The following TAFA1 variants were observed in gnomAD, a reference collection of about 807,000 sequenced individuals.
The protein encoded by TAFA1 is chemokine-like protein TAFA-1.
In TAFA1, 4 loss-of-function variants were observed where a neutral mutation model predicts 18.5. That is an observed-to-expected ratio of 0.22 (90% confidence interval 0.11 to 0.49). The LOEUF (loss-of-function observed/expected upper bound fraction) is 0.49. Among genes scored for constraint, TAFA1 ranks in the 20% least tolerant of loss-of-function variants. TAFA1 has a pLI of 0.98. For synonymous variants in TAFA1, 56 were observed against 55.2 expected, an observed-to-expected ratio of 1.01 and a Z score of -0.06; for missense variants, 147 against 169.0, an observed-to-expected ratio of 0.87 and a Z score of 0.72.
At chr3:68,208,678 C>T (rs1256388094) in intron 2 of TAFA1, among the ~76,000 whole-genome samples, 1 of 151,902 alleles carries the variant, frequency 6.6e-6, no homozygotes, top group East Asian at 1.9e-4. Context: ...TTCAGGGCCC[C>T]AGGGATTTCA....
At chr3:68,071,790 A>C (rs995460273) in intron 2 of TAFA1, among the ~76,000 whole-genome samples, 10 of 152,100 alleles carry the variant, frequency 6.6e-5, no homozygotes, top group Non-Finnish European at 1.5e-4. Flanking sequence ...AGGCCTCAGG[A>C]AGGTTTTATT....
At chr3:68,400,123 C>G (rs1315839182) in intron 2 of TAFA1, among the ~76,000 whole-genome samples, 1 of 152,122 alleles carries the variant, frequency 6.6e-6, no homozygotes, top group East Asian at 1.9e-4. Flanking sequence ...GCTGTTTGGC[C>G]AGGTCACAAT....
intron 2 of TAFA1, among the ~76,000 whole-genome samples, chr3:68,260,207 T>C (rs1003222974): frequency 4.6e-5 from 7 of 152,150 alleles, no homozygotes; most frequent in African/African-American, 1.7e-4. Flanking sequence ...ATGTGGTTTT[T>C]GTCTTTGGTT....
intron 2 of TAFA1, among the ~76,000 whole-genome samples, chr3:68,309,123 T>G (rs1374524695): frequency 2.0e-5 from 3 of 152,168 alleles, no homozygotes; most frequent in Non-Finnish European, 4.4e-5. Flanking sequence ...AAGGTTTACC[T>G]TACCCCTGGT....
rs544984459 is a variant in TAFA1, at chr3:68,196,178, C to T, written c.118+189434C>T. On this transcript the variant is annotated intron_variant, in intron 2 of 4. Transcript: ENST00000478136. ...CATCTGTGTATAAGCAGCTCCCATC[C>T]GGCCTTGACTTTCTTCTGTTCACGT... Among the ~76,000 whole-genome samples, 194 of 151,818 alleles carry T rather than the reference C, an allele frequency of 1.3e-3. 2 individuals carry two copies. Among genetic ancestry groups the T allele is most frequent in the African/African-American group, 4.1e-3 (172 of 41,470 alleles).
At chr3:68,256,469 AT>A (rs375345392) in intron 2 of TAFA1, among the ~76,000 whole-genome samples, 84 of 152,218 alleles carry the variant, frequency 5.5e-4, no homozygotes, top group African/African-American at 1.9e-3. Flanking sequence ...AATAGTACCT[AT>A]CTCCACATAT....
At chr3:68,005,859 T>G (rs1045731429) in intron 1 of TAFA1, among the ~76,000 whole-genome samples, 4 of 152,240 alleles carry the variant, frequency 2.6e-5, no homozygotes, top group African/African-American at 9.6e-5. Flanking sequence ...TAGGTGCAGA[T>G]AAGACTGTCA....
chr3:68,320,850 T>C (rs1286478657), intron 2 of TAFA1, among the ~76,000 whole-genome samples: 2 of 152,196 alleles, frequency 1.3e-5, no homozygotes, highest in Admixed American at 1.3e-4. Context: ...GCAGTGCTCC[T>C]GCTTACCTCC....
At chr3:68,181,890 C>A (rs1385641149) in intron 2 of TAFA1, among the ~76,000 whole-genome samples, 2 of 152,110 alleles carry the variant, frequency 1.3e-5, no homozygotes, top group Admixed American at 1.3e-4. Context: ...GATGTCATTC[C>A]TTACTTTTAA....
chr3:68,210,140 T>G (rs574389617), intron 2 of TAFA1, among the ~76,000 whole-genome samples: 1 of 152,150 alleles, frequency 6.6e-6, no homozygotes, highest in African/African-American at 2.4e-5. Context: ...TTCTATTGTT[T>G]AACACCTTCC....
intron 2 of TAFA1, among the ~76,000 whole-genome samples, chr3:68,080,344 G>C (rs918629308): frequency 6.6e-6 from 1 of 151,798 alleles, no homozygotes; most frequent in African/African-American, 2.4e-5. Flanking sequence ...GTGTGAATTT[G>C]ATCCTGTCAT....
intron 2 of TAFA1, among the ~76,000 whole-genome samples, chr3:68,170,357 T>C (rs1575658294): frequency 6.6e-6 from 1 of 152,316 alleles, no homozygotes; most frequent in Non-Finnish European, 1.5e-5. Flanking sequence ...TTTTATACAA[T>C]CTGACTGAAA....
intron 2 of TAFA1, among the ~76,000 whole-genome samples, chr3:68,065,451 C>T (rs189321155): frequency 2.1e-4 from 32 of 152,180 alleles, no homozygotes; most frequent in Admixed American, 4.6e-4. Flanking sequence ...ACGTAATGAA[C>T]GACTGATAGG....
intron 3 of TAFA1, among the ~76,000 whole-genome samples, chr3:68,458,850 C>A (rs1179077309): frequency 6.6e-6 from 1 of 151,552 alleles, no homozygotes; most frequent in Non-Finnish European, 1.5e-5. Flanking sequence ...AATGTAAATC[C>A]AGTTATACTT....
intron 2 of TAFA1, among the ~76,000 whole-genome samples, chr3:68,068,884 A>T (rs376772194): frequency 2.2e-3 from 328 of 152,316 alleles, no homozygotes; most frequent in African/African-American, 7.6e-3. Flanking sequence ...AGTCCCATAC[A>T]TGCATTATCT....
At chr3:68,293,053 A>AG (rs397746207) in intron 2 of TAFA1, among the ~76,000 whole-genome samples, 1 of 151,504 alleles carries the variant, frequency 6.6e-6, no homozygotes, top group East Asian at 1.9e-4. Context: ...TAAAAAAAAA[A>AG]TGCCTTAGGT....
intron 3 of TAFA1, among the ~76,000 whole-genome samples, chr3:68,470,591 G>C (rs1032620178): frequency 4.6e-5 from 7 of 152,228 alleles, no homozygotes; most frequent in African/African-American, 1.7e-4. Context: ...CTATGTTTTA[G>C]CAAAGACACT....
intron 2 of TAFA1, among the ~76,000 whole-genome samples, chr3:68,233,785 T>C (rs1009610415): frequency 6.6e-6 from 1 of 152,212 alleles, no homozygotes; most frequent in Non-Finnish European, 1.5e-5. Flanking sequence ...GTCTTGAAAC[T>C]GTCTATACCA....
intron 2 of TAFA1, among the ~76,000 whole-genome samples, chr3:68,103,995 G>A (rs1050617533): frequency 2.0e-5 from 3 of 152,126 alleles, no homozygotes; most frequent in African/African-American, 7.2e-5. Context: ...TTATTTGCAT[G>A]TGTCTTTCAT....
Sources: gnomAD v4.1 joint callset for allele counts (sites outside exome capture counted in the v4.1 genomes callset) on GRCh38, gnomAD v4.1.1 for gene constraint, MANE v1.5 for transcripts, NCBI Gene and HGNC (gene_info 2026-07-23, HGNC 2026-07-21) for gene names.